The following TNFRSF10B variants were observed in gnomAD, a reference collection of about 807,000 sequenced individuals.
The protein encoded by TNFRSF10B is tumor necrosis factor receptor superfamily member 10B.
Under a neutral mutation model 41.4 loss-of-function variants are expected in TNFRSF10B, and 35 were observed. The observed-to-expected ratio is 0.85, with a 90% CI of 0.65 to 1.12. The LOEUF is 1.12. TNFRSF10B is among the 50% of genes most tolerant of loss of function. The pLI is 0.00. For missense variants in TNFRSF10B, 584 were observed against 552.7 expected, an observed-to-expected ratio of 1.06 and a Z score of -0.57; for synonymous variants, 230 against 215.5, an observed-to-expected ratio of 1.07 and a Z score of -0.59.
At chr8:23,027,091 G>A in intron 7 of TNFRSF10B, 42 bp downstream of exon 7, 1 of 1,612,892 alleles carries the variant, frequency 6.2e-7, no homozygotes, top group Non-Finnish European at 8.5e-7. Context: ...AATCCCAGGT[G>A]AGCAGCATGC....
chr8:23,025,626 T>G (rs1302009440), intron 7 of TNFRSF10B, among the ~76,000 whole-genome samples: 1 of 152,258 alleles, frequency 6.6e-6, no homozygotes, highest in Non-Finnish European at 1.5e-5. Context: ...AGATGGTATA[T>G]GCATAAAGAG....
chr8:23,058,188 A>G (rs1294753942), intron 1 of TNFRSF10B, among the ~76,000 whole-genome samples: 1 of 152,178 alleles, frequency 6.6e-6, no homozygotes, highest in African/African-American at 2.4e-5. Context: ...AGGAGGTTTC[A>G]GTGAGCTGAC....
chr8:23,043,208 G>A lies in TNFRSF10B; in HGVS notation c.180C>T (p.Asp60=). ...GGGCCGCTCTCTGCTGGGGAGCTAG[G>A]TCTTGTTGGGTGATCAGAGCAGACT... ...SAESALITQQ[D]LAPQQRAAPQ... is the part of the protein sequence containing the mutation. The change falls in exon 2 of 9, where the codon GAC becomes GAT. Residue 60 remains aspartate, a synonymous_variant. Transcript: ENST00000276431. 6.2e-7 allele frequency: 1 copy of A among 1,614,100 alleles called. No homozygotes were observed. The highest frequency in any genetic ancestry group is 8.5e-7 in the Non-Finnish European group (1 of 1,180,016).
chr8:23,024,296 C>T (rs1217511951), intron 7 of TNFRSF10B, 36 bp from the exon 8 acceptor site: 4 of 1,613,154 alleles, frequency 2.5e-6, no homozygotes, highest in African/African-American at 1.3e-5. Context: ...TGGTCAGAGC[C>T]AGGAGTCCTA....
Position 23,020,841 on chromosome 8 carries a change from G to C in TNFRSF10B, c.*1830C>G, listed in dbSNP as rs779997311. 25 of 454,002 alleles carry C rather than the reference G, an allele frequency of 5.5e-5. No individual in the cohort carries two copies. The highest frequency in any genetic ancestry group is 3.6e-4 in the South Asian group (23 of 64,474). 28.1% of individuals were successfully genotyped at this position (454,002 alleles called of 1,614,324 possible). On this transcript the variant is annotated 3_prime_UTR_variant, in exon 9 of 9. Transcript: ENST00000276431. ...CTGAGGCTGAGCGTCCTGCACAGAAGGCCCAGCAAAGGCAAAGACCAGGAG... is the reference window on the plus strand; with the variant it reads ...CTGAGGCTGAGCGTCCTGCACAGAACGCCCAGCAAAGGCAAAGACCAGGAG...
chr8:23,051,302 T>C (rs988688551), intron 1 of TNFRSF10B, among the ~76,000 whole-genome samples: 14 of 152,202 alleles, frequency 9.2e-5, no homozygotes, highest in Admixed American at 8.5e-4. Context: ...TAAAAATTAT[T>C]GGTAAAGTAA....
chr8:23,051,395 ATAT>A (rs954240504), intron 1 of TNFRSF10B, among the ~76,000 whole-genome samples: 1 of 152,240 alleles, frequency 6.6e-6, no homozygotes, highest in African/African-American at 2.4e-5. Context: ...TCTCTGCCAA[ATAT>A]TATAAGGTGT....
intron 7 of TNFRSF10B, among the ~76,000 whole-genome samples, chr8:23,026,631 T>C (rs1166769660): frequency 2.6e-5 from 4 of 152,226 alleles, no homozygotes; most frequent in African/African-American, 9.7e-5. Flanking sequence ...CTACTCAATA[T>C]CACATCAAAA....
At chr8:23,041,602 T>TA in intron 2 of TNFRSF10B, among the ~76,000 whole-genome samples, 1 of 128,092 alleles carries the variant, frequency 7.8e-6, no homozygotes, top group Non-Finnish European at 1.7e-5. Flanking sequence ...ACTCAATGAT[T>TA]TAAAAAAAAA....
chr8:23,023,143 C>T (rs1036753988), intron 8 of TNFRSF10B, among the ~76,000 whole-genome samples, 159 bp from the exon 9 acceptor site: 7 of 152,038 alleles, frequency 4.6e-5, no homozygotes, highest in Admixed American at 1.3e-4. Flanking sequence ...CCACAGAGAG[C>T]GCGCCCACAC....
chr8:23,051,361 A>G (rs998480893), intron 1 of TNFRSF10B, among the ~76,000 whole-genome samples: 13 of 152,224 alleles, frequency 8.5e-5, no homozygotes, highest in Non-Finnish European at 1.2e-4. Flanking sequence ...GTTTGCATTT[A>G]TTGATCAAGC....
At position 23,031,490 on chromosome 8, in the gene TNFRSF10B, C is replaced by G. The variant is rs543610977; in HGVS notation, c.251-618G>C. On this transcript the variant is annotated intron_variant, in intron 2 of 8. Coordinates refer to ENST00000276431, the MANE Select transcript of TNFRSF10B (RefSeq NM_003842.5). ...CTCACTGCACCCTCGACCTCCCGGA[C>G]CCTCCCTCTCCCCCCGACCCACAAA... 4.6e-5 allele frequency among the ~76,000 whole-genome samples: 7 copies of G among 152,018 alleles called. No homozygotes were observed. The South Asian group carries it at 1.0e-3, about 23-fold the overall frequency.
Position 23,022,973 on chromosome 8 carries a change from A to G in TNFRSF10B, c.1021T>C (p.Cys341Arg). 1 of 1,612,168 alleles carries G rather than the reference A, an allele frequency of 6.2e-7. No homozygotes were observed. Among genetic ancestry groups the G allele is most frequent in the Non-Finnish European group, 8.5e-7 (1 of 1,180,000 alleles). ...ACCAAGTCTGCAAAGTCATCGAAGC[A>G]CTGTCTCAGAGCTGGTGGAGAAAGC... ...EGDPTETLRQ[C>R]FDDFADLVPF... Residue 341 changes from cysteine (C) to arginine (R), a missense_variant, in exon 9 of 9, where the codon TGC (cysteine) becomes CGC (arginine). Cys to Arg is a radical substitution (Grantham distance 180, BLOSUM62 -3). Coordinates refer to ENST00000276431, the MANE Select transcript of TNFRSF10B (RefSeq NM_003842.5).
At chr8:23,068,191 G>C in intron 1 of TNFRSF10B, 1 of 155,496 alleles carries the variant, frequency 6.4e-6, no homozygotes, top group Non-Finnish European at 1.4e-5. Flanking sequence ...AGGAGGGGAA[G>C]GGGCCTCTCC....
At position 23,028,451 on chromosome 8, in the gene TNFRSF10B, A is replaced by C. The variant is rs749071336; in HGVS notation, c.628T>G (p.Ser210Ala). Residue 210 changes from serine (S) to alanine (A), a missense_variant, in exon 5 of 9, where the codon TCT (serine) becomes GCT (alanine). By Grantham distance (99) the Ser-to-Ala change is moderately conservative (BLOSUM62 1). Coordinates refer to ENST00000276431, the MANE Select transcript of TNFRSF10B (RefSeq NM_003842.5). ...SSPGTPASPC[S>A]LSGIIIGVTV... ...ACTCCTATGATGATGCCTGAGAGAG[A>C]ACAGGGAGAGGCAGGAGTCCCTGGG... 2 of 1,614,032 alleles carry C rather than the reference A, an allele frequency of 1.2e-6. No individual in the cohort carries two copies. The highest frequency in any genetic ancestry group is 1.7e-5 in the Admixed American group (1 of 60,002).
At chr8:23,024,911 G>A (rs1009279329) in intron 7 of TNFRSF10B, among the ~76,000 whole-genome samples, 1 of 152,164 alleles carries the variant, frequency 6.6e-6, no homozygotes, top group Non-Finnish European at 1.5e-5. Flanking sequence ...GGAGGCTGAG[G>A]TGTGAAGACT....
chr8:23,042,590 G>A (rs1466592285), intron 2 of TNFRSF10B, among the ~76,000 whole-genome samples: 1 of 152,140 alleles, frequency 6.6e-6, no homozygotes, highest in South Asian at 2.1e-4. Context: ...GTCCAGGAGT[G>A]GGCACTCAAG....
rs149987575 is a variant in TNFRSF10B at position 23,034,717 on chromosome 8, C to A, written c.251-3845G>T. Reference sequence around the variant, plus strand: ...CTCCAGCCTGGGTGACAGAGTGATACCCTGCCTGTAAAGCACAAAAAAACA... The same window carrying A: ...CTCCAGCCTGGGTGACAGAGTGATAACCTGCCTGTAAAGCACAAAAAAACA... On this transcript the variant is annotated intron_variant, in intron 2 of 8. Coordinates refer to ENST00000276431, the MANE Select transcript of TNFRSF10B (RefSeq NM_003842.5). Among the ~76,000 whole-genome samples, 673 of 152,334 alleles carry A rather than the reference C, an allele frequency of 4.4e-3. 3 individuals are homozygous for A. Among genetic ancestry groups the A allele is most frequent in the Admixed American group, 7.8e-3 (119 of 15,300 alleles).
In TNFRSF10B at chr8:23,020,433, C is replaced by A. The variant is rs776865466; in HGVS notation, c.*2238G>T. The A allele has an allele frequency of 2.4e-5, 11 of 453,998 alleles. No individual in the cohort carries two copies. The highest frequency in any genetic ancestry group is 1.7e-4 in the South Asian group (11 of 64,476). The allele number at this position is 453,998 out of a possible 1,614,324, so 28.1% of individuals were successfully genotyped here. ...ATAGCTTGGCCTGGCTGGTGGCTCA[C>A]GCCTGTAATCCCAGCACTTTCGGAG... is the stretch of plus-strand genomic sequence containing the variant. On this transcript the variant is annotated 3_prime_UTR_variant, in exon 9 of 9. Coordinates refer to ENST00000276431, the MANE Select transcript of TNFRSF10B (RefSeq NM_003842.5).
Sources: allele counts gnomAD v4.1 joint callset (sites outside exome capture counted in the v4.1 genomes callset), GRCh38; gene constraint gnomAD v4.1.1; transcripts MANE v1.5; gene names NCBI Gene and HGNC (gene_info 2026-07-23, HGNC 2026-07-21).